The following LTBP1 variants were observed in gnomAD, a reference collection of about 807,000 sequenced individuals.
LTBP1 encodes the protein latent transforming growth factor beta binding protein 1, also known as latent-transforming growth factor beta-binding protein 1.
LTBP1 carries 129 observed loss-of-function variants against 207.6 expected under a neutral mutation model. That is an observed-to-expected ratio of 0.62 (90% CI 0.54 to 0.72). The LOEUF (loss-of-function observed/expected upper bound fraction) is 0.72, where lower values mean the gene tolerates loss of function less well. Among genes scored for constraint, LTBP1 ranks in the 30% least tolerant of loss-of-function variants. The pLI, the probability that LTBP1 is intolerant of heterozygous loss-of-function variation, is 0.00. For missense variants in LTBP1, 2,281 were observed against 2,217.2 expected, an observed-to-expected ratio of 1.03 and a Z score of -0.58; for synonymous variants, 963 against 833.7, an observed-to-expected ratio of 1.16 and a Z score of -2.67.
intron 10 of LTBP1, among the ~76,000 whole-genome samples, chr2:33,247,586 G>A (rs2092552912): frequency 6.6e-6 from 1 of 152,148 alleles, no homozygotes; most frequent in Non-Finnish European, 1.5e-5. Flanking sequence ...AAATCATATG[G>A]CACACAAAGC....
chr2:33,250,543 G>T (rs996606291), intron 10 of LTBP1, among the ~76,000 whole-genome samples: 17 of 152,084 alleles, frequency 1.1e-4, no homozygotes, highest in African/African-American at 3.9e-4. Context: ...GCCTGGGGAG[G>T]CTCCCCAGTG....
intron 5 of LTBP1, 35 bp from the exon 6 acceptor site, chr2:33,186,821 A>G (rs1307373014): frequency 1.3e-5 from 20 of 1,551,896 alleles, no homozygotes; most frequent in Non-Finnish European, 1.7e-5. Flanking sequence ...CTGAGAGACT[A>G]ACCAACTCTC....
At chr2:33,133,511 C>T (rs1191482529) in intron 4 of LTBP1, among the ~76,000 whole-genome samples, 2 of 152,146 alleles carry the variant, frequency 1.3e-5, no homozygotes, top group East Asian at 3.9e-4. Context: ...GGCTAGGGGC[C>T]TATCGCAGAT....
At chr2:33,015,797 G>A (rs1688292954) in intron 2 of LTBP1, among the ~76,000 whole-genome samples, 1 of 152,180 alleles carries the variant, frequency 6.6e-6, no homozygotes, top group African/African-American at 2.4e-5. Flanking sequence ...TCCAATCATG[G>A]CATGAGGCAA....
At chr2:33,036,961 A>G (rs1347292868) in intron 3 of LTBP1, among the ~76,000 whole-genome samples, 2 of 152,180 alleles carry the variant, frequency 1.3e-5, no homozygotes, top group African/African-American at 2.4e-5. Flanking sequence ...CCTCTTGTCC[A>G]GAGTAGTTAC....
At chr2:33,104,332 T>C (rs1318416490) in intron 3 of LTBP1, among the ~76,000 whole-genome samples, 1 of 152,158 alleles carries the variant, frequency 6.6e-6, no homozygotes, top group Non-Finnish European at 1.5e-5. Context: ...TCTGGCCTGT[T>C]TCTCTTGTTC....
intron 15 of LTBP1, among the ~76,000 whole-genome samples, chr2:33,268,274 C>G (rs897781636): frequency 6.6e-6 from 1 of 152,184 alleles, no homozygotes; most frequent in Non-Finnish European, 1.5e-5. Flanking sequence ...TCAGTTCTCT[C>G]AGGAATATTG....
intron 9 of LTBP1, among the ~76,000 whole-genome samples, chr2:33,222,632 T>A (rs2091188267): frequency 6.6e-6 from 1 of 152,208 alleles, no homozygotes; most frequent in Non-Finnish European, 1.5e-5. Flanking sequence ...AGAAAAGCTA[T>A]GTAGCTAAGT....
At chr2:33,204,898 T>G (rs10211394) in intron 7 of LTBP1, among the ~76,000 whole-genome samples, 4,414 of 152,340 alleles carry the variant, frequency 0.029, 213 homozygotes, top group African/African-American at 0.1. Context: ...CTAGCTTGTG[T>G]TGGTATTTCC....
At chr2:32,988,228 G>A (rs1683890752) in intron 2 of LTBP1, among the ~76,000 whole-genome samples, 1 of 152,172 alleles carries the variant, frequency 6.6e-6, no homozygotes, top group African/African-American at 2.4e-5. Flanking sequence ...GTTGTTTAAA[G>A]CCAATCAGTT....
At chr2:32,960,419 GAAT>G (rs1456196155) in intron 2 of LTBP1, among the ~76,000 whole-genome samples, 2 of 152,060 alleles carry the variant, frequency 1.3e-5, no homozygotes, top group African/African-American at 2.4e-5. Context: ...ATGAATGAAT[GAAT>G]GAATGAATGA....
At chr2:33,393,171 G>A (rs2095329596) in intron 32 of LTBP1, among the ~76,000 whole-genome samples, 1 of 143,906 alleles carries the variant, frequency 6.9e-6, no homozygotes, top group Non-Finnish European at 1.5e-5. Context: ...GTACCCAATA[G>A]TTATTACCTT....
chr2:33,114,592 C>T (rs932233111), intron 4 of LTBP1, among the ~76,000 whole-genome samples: 1 of 152,180 alleles, frequency 6.6e-6, no homozygotes, highest in African/African-American at 2.4e-5. Flanking sequence ...TGACAATTCT[C>T]GGATACATTT....
intron 7 of LTBP1, among the ~76,000 whole-genome samples, chr2:33,206,750 A>G (rs911415574): frequency 1.3e-5 from 2 of 152,018 alleles, no homozygotes; most frequent in South Asian, 2.1e-4. Flanking sequence ...AAAAAAAAAA[A>G]AAAAGAAAAA....
At chr2:33,105,187 C>T (rs1213796823) in intron 3 of LTBP1, among the ~76,000 whole-genome samples, 1 of 152,180 alleles carries the variant, frequency 6.6e-6, no homozygotes, top group East Asian at 1.9e-4. Flanking sequence ...TGAGGGTTCA[C>T]ATCCAGACCA....
intron 8 of LTBP1, among the ~76,000 whole-genome samples, chr2:33,220,818 G>T (rs1325692122): frequency 1.3e-5 from 2 of 152,148 alleles, no homozygotes; most frequent in Admixed American, 1.3e-4. Flanking sequence ...CTTTTAATTT[G>T]CCTTTCCCAG....
At chr2:33,082,838 G>C (rs1289970402) in intron 3 of LTBP1, among the ~76,000 whole-genome samples, 2 of 152,092 alleles carry the variant, frequency 1.3e-5, no homozygotes. Flanking sequence ...CTTGTGTCCT[G>C]GTCCTGGGAT....
intron 5 of LTBP1, among the ~76,000 whole-genome samples, chr2:33,175,735 C>T (rs2085966168): frequency 1.3e-5 from 2 of 152,040 alleles, no homozygotes; most frequent in South Asian, 2.1e-4. Context: ...TTCACAATAG[C>T]AAAGACTTGG....
chr2:33,158,148 C>CAAAAA (rs59789805), intron 5 of LTBP1, among the ~76,000 whole-genome samples: 3 of 113,892 alleles, frequency 2.6e-5, no homozygotes, highest in African/African-American at 3.4e-5. Flanking sequence ...AAAAAAAAAA[C>CAAAAA]AAAAAAAAAA....
Sources: gnomAD v4.1 joint callset for allele counts (sites outside exome capture counted in the v4.1 genomes callset) on GRCh38, gnomAD v4.1.1 for gene constraint, MANE v1.5 for transcripts, NCBI Gene and HGNC (gene_info 2026-07-23, HGNC 2026-07-21) for gene names.